The following SGCZ variants were observed in gnomAD, a reference collection of about 807,000 sequenced individuals.
The protein encoded by SGCZ is sarcoglycan zeta, also known as zeta-sarcoglycan.
In SGCZ, 40 loss-of-function variants were observed where a neutral mutation model predicts 41.3. The observed-to-expected ratio is 0.97, with a 90% CI of 0.75 to 1.26. The LOEUF (loss-of-function observed/expected upper bound fraction) is 1.26. Among genes scored for constraint, SGCZ ranks in the 50% most tolerant of loss-of-function variants. The pLI, the probability that SGCZ is intolerant of heterozygous loss-of-function variation, is 0.00. For missense variants in SGCZ, 552 were observed against 369.8 expected, an observed-to-expected ratio of 1.49 and a Z score of -4.04; for synonymous variants, 206 against 137.5, an observed-to-expected ratio of 1.50 and a Z score of -3.49.
At chr8:14,455,818 G>C (rs181226390) in intron 2 of SGCZ, among the ~76,000 whole-genome samples, 114 of 152,260 alleles carry the variant, frequency 7.5e-4, no homozygotes, top group African/African-American at 2.7e-3. Context: ...TTCATATGTA[G>C]GATATATTAT....
intron 1 of SGCZ, among the ~76,000 whole-genome samples, chr8:15,063,232 T>C (rs1805002143): frequency 6.6e-6 from 1 of 152,138 alleles, no homozygotes; most frequent in African/African-American, 2.4e-5. Context: ...TTGACTATAG[T>C]ATATTAACAA....
At chr8:15,117,497 A>G (rs1228267366) in intron 1 of SGCZ, among the ~76,000 whole-genome samples, 4 of 152,196 alleles carry the variant, frequency 2.6e-5, no homozygotes, top group Admixed American at 6.5e-5. Context: ...GAGAATACAG[A>G]GGGAGAAGAG....
At chr8:14,507,287 T>TA (rs1802333748) in intron 2 of SGCZ, among the ~76,000 whole-genome samples, 1 of 152,138 alleles carries the variant, frequency 6.6e-6, no homozygotes, top group Non-Finnish European at 1.5e-5. Flanking sequence ...TACACTCCCA[T>TA]AGCATTCTCC....
chr8:14,406,931 A>G (rs541517943), intron 2 of SGCZ, among the ~76,000 whole-genome samples: 3 of 152,254 alleles, frequency 2.0e-5, no homozygotes, highest in Non-Finnish European at 2.9e-5. Flanking sequence ...GCTATTTAAC[A>G]TCACTGGCTC....
intron 2 of SGCZ, among the ~76,000 whole-genome samples, chr8:14,489,865 AC>A (rs1801791577): frequency 1.8e-5 from 1 of 55,210 alleles, no homozygotes; most frequent in Non-Finnish European, 3.8e-5. Context: ...AAATTCTCCT[AC>A]CTTTTTTTTT....
chr8:14,294,195 AGTT>A (rs1310901353), intron 3 of SGCZ, among the ~76,000 whole-genome samples: 1 of 151,920 alleles, frequency 6.6e-6, no homozygotes, highest in African/African-American at 2.4e-5. Context: ...CTTATTTGGA[AGTT>A]TTTTAATGAT....
At chr8:14,105,446 A>T (rs1015965781) in intron 6 of SGCZ, among the ~76,000 whole-genome samples, 1 of 152,170 alleles carries the variant, frequency 6.6e-6, no homozygotes, top group South Asian at 2.1e-4. Context: ...TGGCCAACCA[A>T]TGAAACCGTG....
intron 1 of SGCZ, among the ~76,000 whole-genome samples, chr8:14,977,303 C>G (rs1219975993): frequency 2.0e-5 from 3 of 152,162 alleles, no homozygotes; most frequent in Non-Finnish European, 2.9e-5. Flanking sequence ...GCATGGAGAA[C>G]AGAGCTTGGT....
At chr8:14,344,685 C>A (rs886559725) in intron 2 of SGCZ, among the ~76,000 whole-genome samples, 1 of 152,002 alleles carries the variant, frequency 6.6e-6, no homozygotes, top group Non-Finnish European at 1.5e-5. Context: ...GTAAGTAATG[C>A]ACAGGATGAA....
intron 1 of SGCZ, among the ~76,000 whole-genome samples, chr8:14,976,929 T>G (rs903268412): frequency 1.3e-5 from 2 of 152,228 alleles, no homozygotes; most frequent in Non-Finnish European, 2.9e-5. Flanking sequence ...TGACGTACAT[T>G]GTTGAATTTA....
chr8:14,617,208 A>C (rs1295828201), intron 1 of SGCZ, among the ~76,000 whole-genome samples: 4 of 152,170 alleles, frequency 2.6e-5, no homozygotes, highest in Non-Finnish European at 5.9e-5. Flanking sequence ...AGTAAGTATT[A>C]ATTATTGTCA....
chr8:14,325,834 G>A lies in SGCZ; in HGVS notation c.235-1630C>T, dbSNP rs556883967. Among the ~76,000 whole-genome samples the A allele has an allele frequency of 7.4e-3, 1,055 of 142,144 alleles. 12 individuals are homozygous for A. The highest frequency in any genetic ancestry group is 0.025 in the African/African-American group (966 of 38,994). The allele number at this position is 142,144 out of a possible 152,430, so 93.3% of individuals were successfully genotyped here. On this transcript the variant is annotated intron_variant, in intron 2 of 7. Transcript: ENST00000382080. ...CAGAAAGGGATGAGGACGTGGGCCC[G>A]GCGCGGTGGCTCATGCCTGTAAAAT...
intron 1 of SGCZ, among the ~76,000 whole-genome samples, chr8:14,962,426 TACAC>T (rs1257266992): frequency 6.6e-6 from 1 of 152,008 alleles, no homozygotes; most frequent in African/African-American, 2.4e-5. Flanking sequence ...TGATCTATCA[TACAC>T]ACAAGAAAAA....
rs140725017 is a variant in SGCZ, at chr8:14,326,830, A to C, written c.235-2626T>G. Reference sequence around the variant, plus strand: ...AAAAGTGGCTCAGATTTAGACATTCAATTACATTACCACCCACTTACTGGC... The same window carrying C: ...AAAAGTGGCTCAGATTTAGACATTCCATTACATTACCACCCACTTACTGGC... On this transcript the variant is annotated intron_variant, in intron 2 of 7. Transcript: ENST00000382080. Among the ~76,000 whole-genome samples, 857 of 152,236 alleles carry C rather than the reference A, an allele frequency of 5.6e-3. 9 individuals are homozygous for C. Among genetic ancestry groups the C allele is most frequent in the South Asian group, 0.028 (136 of 4,824 alleles).
chr8:14,661,242 C>T (rs987182633), intron 1 of SGCZ, among the ~76,000 whole-genome samples: 1 of 151,974 alleles, frequency 6.6e-6, no homozygotes, highest in Non-Finnish European at 1.5e-5. Context: ...GTGACAACAA[C>T]TAGAGTAACT....
chr8:15,043,527 G>A (rs1481043758), intron 1 of SGCZ, among the ~76,000 whole-genome samples: 1 of 151,890 alleles, frequency 6.6e-6, no homozygotes, highest in Non-Finnish European at 1.5e-5. Context: ...ATTAGATAGT[G>A]CATGCTACTT....
At chr8:14,414,159 T>A (rs929371671) in intron 2 of SGCZ, among the ~76,000 whole-genome samples, 7 of 151,808 alleles carry the variant, frequency 4.6e-5, no homozygotes, top group Non-Finnish European at 8.8e-5. Flanking sequence ...AGGCAAAAAA[T>A]AGCCTAACAC....
intron 1 of SGCZ, among the ~76,000 whole-genome samples, chr8:14,945,184 C>G (rs1345036166): frequency 6.6e-6 from 1 of 151,116 alleles, no homozygotes; most frequent in Non-Finnish European, 1.5e-5. Context: ...TGGGCGGGGA[C>G]AGAGTAATCC....
At chr8:14,288,433 C>A (rs184436524) in intron 3 of SGCZ, among the ~76,000 whole-genome samples, 2 of 152,032 alleles carry the variant, frequency 1.3e-5, no homozygotes, top group African/African-American at 4.8e-5. Flanking sequence ...CCATCACTCC[C>A]CATGTCTCCC....
Sources: allele counts gnomAD v4.1 joint callset (sites outside exome capture counted in the v4.1 genomes callset), GRCh38; gene constraint gnomAD v4.1.1; transcripts MANE v1.5; gene names NCBI Gene and HGNC (gene_info 2026-07-23, HGNC 2026-07-21).